The following RNF182 variants were observed in gnomAD, a reference collection of about 807,000 sequenced individuals.
The protein encoded by RNF182 is ring finger protein 182.
A neutral mutation model predicts 14.4 loss-of-function variants in RNF182; 15 were observed. The ratio of observed to expected loss-of-function variants is 1.04; its 90% CI spans 0.70 to 1.60. The LOEUF (loss-of-function observed/expected upper bound fraction) is 1.60, where lower values mean the gene tolerates loss of function less well. Among genes scored for constraint, RNF182 ranks in the 40% most tolerant of loss-of-function variants. The pLI, the probability that RNF182 is intolerant of heterozygous loss-of-function variation, is 0.00. For missense variants in RNF182, 268 were observed against 294.8 expected, an observed-to-expected ratio of 0.91 and a Z score of 0.67; for synonymous variants, 128 against 122.9, an observed-to-expected ratio of 1.04 and a Z score of -0.27.
At chr6:13,966,780 A>T (rs61667998) in intron 1 of RNF182, among the ~76,000 whole-genome samples, 1 of 26,360 alleles carries the variant, frequency 3.8e-5, no homozygotes, top group Non-Finnish European at 9.0e-5. Flanking sequence ...CCACCCCCCC[A>T]CCAAAAAAAA....
chr6:13,971,520 T>G (rs1424510983), intron 1 of RNF182, among the ~76,000 whole-genome samples: 1 of 152,156 alleles, frequency 6.6e-6, no homozygotes, highest in African/African-American at 2.4e-5. Context: ...GCTATAAGGA[T>G]ACCTGAAAAC....
intron 1 of RNF182, among the ~76,000 whole-genome samples, chr6:13,959,117 T>A (rs551026930): frequency 6.6e-6 from 1 of 152,318 alleles, no homozygotes; most frequent in Non-Finnish European, 1.5e-5. Context: ...GCCAGAATTC[T>A]GAATCAAATA....
At chr6:13,957,017 C>T (rs1447431791) in intron 1 of RNF182, among the ~76,000 whole-genome samples, 1 of 152,112 alleles carries the variant, frequency 6.6e-6, no homozygotes, top group Non-Finnish European at 1.5e-5. Context: ...AATGAAATGC[C>T]ACACAGTTTC....
In RNF182 at chr6:13,977,984, T is replaced by G; in HGVS notation, c.*121T>G. The G allele has an allele frequency of 8.9e-7, 1 of 1,124,726 alleles. No individual in the cohort carries two copies. Among genetic ancestry groups the G allele is most frequent in the Non-Finnish European group, 1.3e-6 (1 of 798,052 alleles). 69.7% of individuals were successfully genotyped at this position (1,124,726 alleles called of 1,614,324 possible). On this transcript the variant is annotated 3_prime_UTR_variant, in exon 3 of 3. Coordinates refer to ENST00000488300, the MANE Select transcript of RNF182 (RefSeq NM_152737.4). ...AGTATCCATGACATTAACAAAACCCTTGGCCACATGTTGACTTGATTGGTT... is the reference window on the plus strand; with the variant it reads ...AGTATCCATGACATTAACAAAACCCGTGGCCACATGTTGACTTGATTGGTT...
intron 1 of RNF182, among the ~76,000 whole-genome samples, chr6:13,967,756 G>T (rs1760071712): frequency 6.6e-6 from 1 of 151,986 alleles, no homozygotes; most frequent in African/African-American, 2.4e-5. Context: ...AAAAAATAGA[G>T]ATGGAGTCTA....
intron 1 of RNF182, among the ~76,000 whole-genome samples, chr6:13,967,586 G>A (rs1267218628): frequency 6.6e-6 from 1 of 151,982 alleles, no homozygotes; most frequent in Non-Finnish European, 1.5e-5. Context: ...TTACCACAAA[G>A]AGCACCATAA....
chr6:13,977,059 C>A lies in RNF182; in HGVS notation c.-61C>A. ...GATGATATGATATTCAGAGGGGCACCTTAATCAAAGCCATTCTTCAACAAG... is the reference window on the plus strand; with the variant it reads ...GATGATATGATATTCAGAGGGGCACATTAATCAAAGCCATTCTTCAACAAG... On this transcript the variant is annotated 5_prime_UTR_variant, in exon 3 of 3. Coordinates refer to ENST00000488300, the MANE Select transcript of RNF182 (RefSeq NM_152737.4). The A allele has an allele frequency of 6.5e-7, 1 of 1,531,170 alleles. No individual in the cohort carries two copies. Among genetic ancestry groups the A allele is most frequent in the East Asian group, 2.3e-5 (1 of 44,240 alleles). 94.8% of individuals were successfully genotyped at this position (1,531,170 alleles called of 1,614,324 possible). A position where few individuals can be genotyped will look rare whatever the true frequency, so the allele number is the denominator to read the frequency against.
chr6:13,927,112 A>G (rs550885987), intron 1 of RNF182, among the ~76,000 whole-genome samples: 11 of 152,140 alleles, frequency 7.2e-5, no homozygotes, highest in Admixed American at 2.0e-4. Context: ...GAAATCAACA[A>G]TCATGTATTG....
intron 1 of RNF182, among the ~76,000 whole-genome samples, chr6:13,969,784 A>G (rs963036314): frequency 9.2e-5 from 14 of 152,220 alleles, no homozygotes; most frequent in African/African-American, 1.7e-4. Context: ...GTATAGTCTT[A>G]TCCCCAGATG....
chr6:13,969,375 A>G (rs991544149), intron 1 of RNF182, among the ~76,000 whole-genome samples: 2 of 152,094 alleles, frequency 1.3e-5, no homozygotes, highest in African/African-American at 2.4e-5. Context: ...GTAGGGGAGT[A>G]GTGGAGTATG....
intron 1 of RNF182, among the ~76,000 whole-genome samples, chr6:13,927,788 G>A (rs1209461456): frequency 6.6e-6 from 1 of 152,246 alleles, no homozygotes; most frequent in Non-Finnish European, 1.5e-5. Context: ...TGGTAATTTA[G>A]CATCTAGTGC....
chr6:13,945,808 G>A (rs1030845087), intron 1 of RNF182, among the ~76,000 whole-genome samples: 2 of 152,116 alleles, frequency 1.3e-5, no homozygotes, highest in African/African-American at 2.4e-5. Flanking sequence ...TTACACCAGT[G>A]GATCTGTTAC....
chr6:13,960,063 G>T (rs1396558765), intron 1 of RNF182, among the ~76,000 whole-genome samples: 1 of 152,212 alleles, frequency 6.6e-6, no homozygotes, highest in Admixed American at 6.5e-5. Flanking sequence ...AAAGCTGGAA[G>T]ACTGTGATGT....
Position 13,977,621 on chromosome 6 carries a change from T to A in RNF182, c.502T>A (p.Trp168Arg), listed in dbSNP as rs749382804. 1.9e-6 allele frequency: 3 copies of A among 1,614,198 alleles called. No homozygotes were observed. In the Admixed American group the frequency reaches 5.0e-5, roughly 27 times the overall value. Residue 168 changes from tryptophan to arginine, a missense_variant, in exon 3 of 3, where the codon TGG becomes AGG. By Grantham distance (101) the Trp-to-Arg change is moderately radical (BLOSUM62 -3). Coordinates refer to ENST00000488300, the MANE Select transcript of RNF182 (RefSeq NM_152737.4). The stretch of plus-strand genomic sequence containing the variant: ...CTCTGTCACCACTGTGTCACACAAC[T>A]GGACTGTGTGGAACTGCACGTCCCT... ...FDSVTTVSHN[W>R]TVWNCTSLLF...
intron 1 of RNF182, among the ~76,000 whole-genome samples, chr6:13,925,999 C>T (rs2113569529): frequency 6.6e-6 from 1 of 152,036 alleles, no homozygotes; most frequent in African/African-American, 2.4e-5. Flanking sequence ...CATCATCTTA[C>T]ATGTAGTAAT....
At chr6:13,958,235 AG>A (rs1375184888) in intron 1 of RNF182, among the ~76,000 whole-genome samples, 2 of 152,168 alleles carry the variant, frequency 1.3e-5, no homozygotes, top group African/African-American at 4.8e-5. Context: ...AAAATACAAA[AG>A]TTAGCTGGGT....
chr6:13,960,692 T>TGTGTGTGCGCGCGCGC (rs367625022), intron 1 of RNF182, among the ~76,000 whole-genome samples: 58 of 137,694 alleles, frequency 4.2e-4, no homozygotes, highest in African/African-American at 1.5e-3. Context: ...TGTGTGTGTG[T>TGTGTGTGCGCGCGCGC]GCGCGCGTGC....
intron 1 of RNF182, among the ~76,000 whole-genome samples, chr6:13,938,751 T>C (rs1314627074): frequency 2.0e-5 from 3 of 152,176 alleles, no homozygotes; most frequent in Admixed American, 2.0e-4. Flanking sequence ...AAATAAGTAA[T>C]CATATGCTTG....
At chr6:13,975,233 GA>G (rs1231546432) in intron 2 of RNF182, among the ~76,000 whole-genome samples, 2 of 151,888 alleles carry the variant, frequency 1.3e-5, no homozygotes, top group Admixed American at 6.6e-5. Context: ...CCCACAGGAG[GA>G]AAAAAAATGC....
Sources: gnomAD v4.1 joint callset for allele counts (sites outside exome capture counted in the v4.1 genomes callset) on GRCh38, gnomAD v4.1.1 for gene constraint, MANE v1.5 for transcripts, NCBI Gene and HGNC (gene_info 2026-07-23, HGNC 2026-07-21) for gene names.